Variants in SEMA5A observed in about 807,000 individuals in gnomAD.
SEMA5A encodes semaphorin-5A.
SEMA5A carries 55 observed loss-of-function variants against 135.5 expected under a neutral mutation model. That is an observed-to-expected ratio of 0.41 (90% CI 0.33 to 0.51). The LOEUF is 0.51. Ranked by LOEUF, SEMA5A falls within the 20% of genes least tolerant of loss-of-function variation. The pLI is 0.37. For synonymous variants in SEMA5A, 580 were observed against 546.5 expected, an observed-to-expected ratio of 1.06 and a Z score of -0.85; for missense variants, 1,290 against 1,419.9, an observed-to-expected ratio of 0.91 and a Z score of 1.47.
chr5:9,257,145 C>T (rs1243786438), intron 5 of SEMA5A, among the ~76,000 whole-genome samples: 3 of 152,194 alleles, frequency 2.0e-5, no homozygotes, highest in Admixed American at 1.3e-4. Context: ...GTGAGTGTGG[C>T]TTAACTGGGG....
At chr5:9,137,492 G>C (rs563737062) in intron 12 of SEMA5A, among the ~76,000 whole-genome samples, 1 of 152,170 alleles carries the variant, frequency 6.6e-6, no homozygotes, top group Non-Finnish European at 1.5e-5. Context: ...AGATGATAGC[G>C]ATGGAGCCAG....
intron 1 of SEMA5A, among the ~76,000 whole-genome samples, chr5:9,458,483 G>C (rs1389293549): frequency 6.6e-6 from 1 of 152,126 alleles, no homozygotes; most frequent in Non-Finnish European, 1.5e-5. Flanking sequence ...CTCCTCATAA[G>C]CACATCAGCA....
chr5:9,201,415 T>A (rs1745697246), intron 9 of SEMA5A, among the ~76,000 whole-genome samples: 1 of 152,192 alleles, frequency 6.6e-6, no homozygotes, highest in African/African-American at 2.4e-5. Context: ...ACAAAAATAT[T>A]TCAAAAGTAT....
intron 15 of SEMA5A, among the ~76,000 whole-genome samples, chr5:9,109,707 G>A (rs902959238): frequency 1.3e-5 from 2 of 152,168 alleles, no homozygotes; most frequent in African/African-American, 4.8e-5. Context: ...CTATGCAACA[G>A]GAATTGCAGA....
At chr5:9,195,397 C>T (rs920544518) in intron 10 of SEMA5A, among the ~76,000 whole-genome samples, 3 of 152,146 alleles carry the variant, frequency 2.0e-5, no homozygotes, top group Non-Finnish European at 2.9e-5. Context: ...GTCTCGAAAT[C>T]CTGGCCTCAG....
rs528626179 is a variant in SEMA5A, at chr5:9,096,182, C to A, written c.2073+11958G>T. ...CTCACCAGCACTTGTTATCTCCTGT[C>A]TTTTTTATAGTACCTGTCCTAACAG... On this transcript the variant is annotated intron_variant, in intron 16 of 22. Transcript: ENST00000382496. Among the ~76,000 whole-genome samples, 59 of 152,298 alleles carry A rather than the reference C, an allele frequency of 3.9e-4. 1 individual carries two copies. The highest frequency in any genetic ancestry group is 1.2e-3 in the African/African-American group (49 of 41,554).
At chr5:9,380,051 A>G in intron 2 of SEMA5A, 28 bp from the exon 3 acceptor site, 2 of 1,436,046 alleles carry the variant, frequency 1.4e-6, no homozygotes, top group East Asian at 2.3e-5. Flanking sequence ...GAAGAATCAG[A>G]TGACTGTGAG....
chr5:9,110,932 C>A (rs1377639994), intron 15 of SEMA5A, among the ~76,000 whole-genome samples: 2 of 152,028 alleles, frequency 1.3e-5, no homozygotes, highest in Admixed American at 1.3e-4. Flanking sequence ...ATCATGGCCT[C>A]TAGATAGGAG....
intron 2 of SEMA5A, among the ~76,000 whole-genome samples, chr5:9,428,024 T>G (rs1757720294): frequency 6.6e-6 from 1 of 151,686 alleles, no homozygotes; most frequent in Non-Finnish European, 1.5e-5. Flanking sequence ...ATATTCTATC[T>G]TTCTGTTTAT....
intron 2 of SEMA5A, chr5:9,422,428 T>A (rs1757500288): frequency 6.6e-6 from 1 of 152,158 alleles, no homozygotes; most frequent in South Asian, 2.1e-4. Context: ...AGAAGAAGCA[T>A]CATGAAAGGG....
intron 3 of SEMA5A, among the ~76,000 whole-genome samples, chr5:9,369,519 T>A (rs1034845540): frequency 3.3e-5 from 5 of 152,226 alleles, no homozygotes; most frequent in Admixed American, 2.0e-4. Context: ...AATTGTTGTA[T>A]ATTGTGTGAA....
chr5:9,460,667 T>C (rs1759022644), intron 1 of SEMA5A, among the ~76,000 whole-genome samples: 1 of 152,196 alleles, frequency 6.6e-6, no homozygotes, highest in South Asian at 2.1e-4. Flanking sequence ...GAAATGTTTA[T>C]TAACTTGAAA....
At chr5:9,165,566 C>T (rs2150294592) in intron 11 of SEMA5A, among the ~76,000 whole-genome samples, 1 of 152,288 alleles carries the variant, frequency 6.6e-6, no homozygotes, top group South Asian at 2.1e-4. Flanking sequence ...GACAAGGAGG[C>T]CACTAACCTG....
intron 18 of SEMA5A, among the ~76,000 whole-genome samples, chr5:9,059,161 ATTTTC>A (rs1189663566): frequency 6.9e-6 from 1 of 145,794 alleles, no homozygotes; most frequent in Non-Finnish European, 1.5e-5. Context: ...TTTTACCTTC[ATTTTC>A]TTTTCTTTTT....
At chr5:9,205,410 G>A (rs551480033) in intron 8 of SEMA5A, among the ~76,000 whole-genome samples, 7 of 152,154 alleles carry the variant, frequency 4.6e-5, no homozygotes, top group Non-Finnish European at 2.9e-5. Flanking sequence ...CAACTCCAGA[G>A]GGTGTTTCAA....
chr5:9,067,730 T>C (rs1004322028), intron 16 of SEMA5A, among the ~76,000 whole-genome samples: 3 of 152,230 alleles, frequency 2.0e-5, no homozygotes, highest in African/African-American at 7.2e-5. Flanking sequence ...GTTTTAGAAA[T>C]ATTCTTGATT....
At chr5:9,160,515 A>T (rs894569407) in intron 11 of SEMA5A, among the ~76,000 whole-genome samples, 1 of 152,366 alleles carries the variant, frequency 6.6e-6, no homozygotes, top group East Asian at 1.9e-4. Flanking sequence ...AGAAACAAGG[A>T]CCACATAACA....
chr5:9,208,581 G>T (rs575968408), intron 8 of SEMA5A, among the ~76,000 whole-genome samples: 1 of 152,154 alleles, frequency 6.6e-6, no homozygotes, highest in Non-Finnish European at 1.5e-5. Context: ...AGGCTGAGAA[G>T]GGGCCACCCA....
At chr5:9,416,648 A>C (rs1360273521) in intron 2 of SEMA5A, among the ~76,000 whole-genome samples, 1 of 152,242 alleles carries the variant, frequency 6.6e-6, no homozygotes, top group Non-Finnish European at 1.5e-5. Context: ...ACATAAATAC[A>C]CACAATGTCT....
Sources: gnomAD v4.1 joint callset for allele counts (sites outside exome capture counted in the v4.1 genomes callset) on GRCh38, gnomAD v4.1.1 for gene constraint, MANE v1.5 for transcripts, NCBI Gene and HGNC (gene_info 2026-07-23, HGNC 2026-07-21) for gene names.